ARHGAP42: variants seen among roughly 807,000 people sequenced by gnomAD.
ARHGAP42 encodes the protein Rho GTPase activating protein 42.
In ARHGAP42, 63 loss-of-function variants were observed where a neutral mutation model predicts 125.0. That is an observed-to-expected ratio of 0.50 (90% CI 0.41 to 0.62). The LOEUF is 0.62. ARHGAP42 is among the 20% of genes least tolerant of loss of function. ARHGAP42 has a pLI of 0.00. For synonymous variants in ARHGAP42, 339 were observed against 351.0 expected (o/e 0.97, Z 0.38); for missense variants, 766 against 1,024.2 (o/e 0.75, Z 3.44).
intron 4 of ARHGAP42, among the ~76,000 whole-genome samples, chr11:100,887,057 G>T (rs936630579): frequency 6.6e-6 from 1 of 151,916 alleles, no homozygotes; most frequent in Non-Finnish European, 1.5e-5. Context: ...TACTCAGGAT[G>T]GTACAGTAAA....
At chr11:100,724,000 CTT>C (rs933841997) in intron 1 of ARHGAP42, among the ~76,000 whole-genome samples, 4 of 152,002 alleles carry the variant, frequency 2.6e-5, no homozygotes, top group African/African-American at 9.7e-5. Context: ...TTTTCAAACT[CTT>C]TTAACTTTTT....
At chr11:100,884,505 A>G (rs1866036927) in intron 4 of ARHGAP42, among the ~76,000 whole-genome samples, 1 of 152,214 alleles carries the variant, frequency 6.6e-6, no homozygotes, top group South Asian at 2.1e-4. Flanking sequence ...CTCAAAAGAC[A>G]TCAAAAGGAC....
intron 3 of ARHGAP42, among the ~76,000 whole-genome samples, chr11:100,837,413 G>A (rs1337653430): frequency 6.6e-6 from 1 of 151,954 alleles, no homozygotes; most frequent in African/African-American, 2.4e-5. Context: ...CGTAAGGCTA[G>A]TTTAGGTTTT....
chr11:100,992,790 A>T lies in ARHGAP42; in HGVS notation c.*3989A>T. 1 of 1,408,380 alleles carries T rather than the reference A, an allele frequency of 7.1e-7. No homozygotes were observed. Among genetic ancestry groups the T allele is most frequent in the Non-Finnish European group, 9.6e-7 (1 of 1,038,668 alleles). 87.2% of individuals were successfully genotyped at this position (1,408,380 alleles called of 1,614,324 possible). On this transcript the variant is annotated 3_prime_UTR_variant, in exon 24 of 24. Coordinates refer to ENST00000298815, the MANE Select transcript of ARHGAP42 (RefSeq NM_152432.4). ...TGTTTTAAATAAAGAATCTTACATA[A>T]GAATGTTGACAACATTCACAGTAAG...
intron 3 of ARHGAP42, among the ~76,000 whole-genome samples, chr11:100,858,068 C>T (rs1865361635): frequency 7.2e-6 from 1 of 139,664 alleles, no homozygotes; most frequent in Non-Finnish European, 1.5e-5. Flanking sequence ...TGTGTCGCAT[C>T]TGTACAATCT....
chr11:100,900,781 A>G (rs1866524039), intron 4 of ARHGAP42, among the ~76,000 whole-genome samples: 1 of 152,092 alleles, frequency 6.6e-6, no homozygotes, highest in Non-Finnish European at 1.5e-5. Context: ...GGTCTTCTCT[A>G]CACTGTTTAT....
At chr11:100,900,140 G>A (rs1241385209) in intron 4 of ARHGAP42, among the ~76,000 whole-genome samples, 1 of 151,840 alleles carries the variant, frequency 6.6e-6, no homozygotes, top group Non-Finnish European at 1.5e-5. Context: ...TGTTTGTAAA[G>A]GATTTTCTTT....
intron 3 of ARHGAP42, among the ~76,000 whole-genome samples, chr11:100,814,524 A>G (rs1864220578): frequency 6.6e-6 from 1 of 152,178 alleles, no homozygotes; most frequent in African/African-American, 2.4e-5. Context: ...TGGGTAATTT[A>G]TAAAGATAAG....
Position 100,832,396 on chromosome 11 carries a change from C to T in ARHGAP42, c.313-27158C>T, listed in dbSNP as rs144372563. Among the ~76,000 whole-genome samples, 207 of 152,312 alleles carry T rather than the reference C, an allele frequency of 1.4e-3. 1 individual carries two copies. The highest frequency in any genetic ancestry group is 4.5e-3 in the African/African-American group (189 of 41,578). On this transcript the variant is annotated intron_variant, in intron 3 of 23. Coordinates refer to ENST00000298815, the MANE Select transcript of ARHGAP42 (RefSeq NM_152432.4). ...GTTTCTGGATTAGCCAGACCTGAAG[C>T]TTCTCTTACCCTTGTTTCTCCAGTT...
At chr11:100,708,767 T>A (rs1842500750) in intron 1 of ARHGAP42, among the ~76,000 whole-genome samples, 1 of 152,122 alleles carries the variant, frequency 6.6e-6, no homozygotes, top group South Asian at 2.1e-4. Context: ...TCCTTCCTTA[T>A]CCACAGAGAT....
intron 3 of ARHGAP42, among the ~76,000 whole-genome samples, chr11:100,853,282 T>A (rs1865246893): frequency 6.6e-6 from 1 of 152,324 alleles, no homozygotes; most frequent in East Asian, 1.9e-4. Context: ...TCTGACTGTT[T>A]TTAGCCTCCA....
intron 15 of ARHGAP42, 104 bp downstream of exon 15, chr11:100,961,872 G>C (rs1044836068): frequency 2.4e-6 from 2 of 849,964 alleles, no homozygotes; most frequent in East Asian, 5.4e-5. Context: ...GCTTCACTCA[G>C]TAGCTCAGTT....
chr11:100,897,952 A>G (rs1866409972), intron 4 of ARHGAP42, among the ~76,000 whole-genome samples: 1 of 152,200 alleles, frequency 6.6e-6, no homozygotes, highest in African/African-American at 2.4e-5. Flanking sequence ...GTTTTTGCCC[A>G]TTCAGTATGA....
chr11:100,749,350 G>C (rs1481249327), intron 1 of ARHGAP42, among the ~76,000 whole-genome samples: 2 of 151,378 alleles, frequency 1.3e-5, no homozygotes. Flanking sequence ...CGCCTTGCCT[G>C]TCCCAGAAGC....
At chr11:100,933,039 A>T (rs1867629039) in intron 6 of ARHGAP42, 117 bp from the exon 7 acceptor site, 1 of 665,722 alleles carries the variant, frequency 1.5e-6, no homozygotes, top group Admixed American at 3.4e-5. Context: ...TGCCAAAGCC[A>T]TTGAAAATGT....
At chr11:100,797,472 C>G (rs1863745105) in intron 3 of ARHGAP42, among the ~76,000 whole-genome samples, 1 of 152,062 alleles carries the variant, frequency 6.6e-6, no homozygotes. Context: ...AATCCTAGGG[C>G]CCTTAAGAAT....
At chr11:100,833,915 A>G (rs1207087802) in intron 3 of ARHGAP42, among the ~76,000 whole-genome samples, 1 of 152,198 alleles carries the variant, frequency 6.6e-6, no homozygotes, top group Non-Finnish European at 1.5e-5. Flanking sequence ...TTTAAAAAAT[A>G]AAAATTTTTA....
At position 100,992,893 on chromosome 11, in the gene ARHGAP42, A is replaced by G. The variant is rs1336173942; in HGVS notation, c.*4092A>G. 2 of 580,664 alleles carry G rather than the reference A, an allele frequency of 3.4e-6. No individual in the cohort carries two copies. The highest frequency in any genetic ancestry group is 5.9e-6 in the Non-Finnish European group (2 of 338,278). 36.0% of individuals were successfully genotyped at this position (580,664 alleles called of 1,614,324 possible). On this transcript the variant is annotated 3_prime_UTR_variant, in exon 24 of 24. Coordinates refer to ENST00000298815, the MANE Select transcript of ARHGAP42 (RefSeq NM_152432.4). The stretch of plus-strand genomic sequence containing the variant: ...TGTGGTTTAGGGGGCCCAGCCCATC[A>G]TTCCTTTTCCCCTTGGCACTCATGA...
At chr11:100,921,245 A>ATT (rs869131567) in intron 5 of ARHGAP42, among the ~76,000 whole-genome samples, 2 of 36,728 alleles carry the variant, frequency 5.4e-5, no homozygotes, top group Non-Finnish European at 4.7e-5. Context: ...ATATATATAT[A>ATT]TTTTTTTTTT....
Sources: gnomAD v4.1 joint callset for allele counts (sites outside exome capture counted in the v4.1 genomes callset) on GRCh38, gnomAD v4.1.1 for gene constraint, MANE v1.5 for transcripts, NCBI Gene and HGNC (gene_info 2026-07-23, HGNC 2026-07-21) for gene names.